GNG4: variants seen among roughly 807,000 people sequenced by gnomAD.
GNG4 encodes the protein guanine nucleotide-binding protein G(I)/G(S)/G(O) subunit gamma-4.
A neutral mutation model predicts 5.8 loss-of-function variants in GNG4; 4 were observed. That is an observed-to-expected ratio of 0.69 (90% CI 0.34 to 1.57). The LOEUF (loss-of-function observed/expected upper bound fraction) is 1.57. Among genes scored for constraint, GNG4 ranks in the 40% most tolerant of loss-of-function variants. The pLI is 0.06. For missense variants in GNG4, 96 were observed against 95.1 expected, an observed-to-expected ratio of 1.01 and a Z score of -0.04; for synonymous variants, 29 against 32.9, an observed-to-expected ratio of 0.88 and a Z score of 0.41.
chr1:235,617,909 G>GAAAGA (rs1553371104), intron 1 of GNG4, among the ~76,000 whole-genome samples: 11 of 137,362 alleles, frequency 8.0e-5, no homozygotes, highest in Non-Finnish European at 1.5e-4. Flanking sequence ...AAAAAAAAAA[G>GAAAGA]AAAGAAAAGA....
In GNG4 at chr1:235,642,744, C is replaced by T. The variant is rs1395755005; in HGVS notation, c.-123+6918G>A. Among the ~76,000 whole-genome samples the T allele has an allele frequency of 4.6e-5, 7 of 152,096 alleles. No homozygotes were observed. The highest frequency in any genetic ancestry group is 1.4e-4 in the African/African-American group (6 of 41,400). On this transcript the variant is annotated intron_variant, in intron 1 of 3. Coordinates refer to ENST00000391854, the MANE Select transcript of GNG4 (RefSeq NM_001098722.2). This position sits in a 1 kb window ranked among gnomAD's most constrained non-coding sequence, Gnocchi z 4.3. ...AACTTGCCGTGTGTTCTTGGAGGCG[C>T]GGGCCTCCCTGCTGTCATCACACCT...
intron 3 of GNG4, among the ~76,000 whole-genome samples, chr1:235,553,062 A>C (rs562099628): frequency 1.4e-4 from 12 of 82,834 alleles, no homozygotes; most frequent in African/African-American, 7.3e-4. Context: ...CCCAGCCAGC[A>C]CACATGTTTT....
intron 1 of GNG4, among the ~76,000 whole-genome samples, chr1:235,629,855 G>A (rs1192651244): frequency 6.6e-6 from 1 of 152,056 alleles, no homozygotes; most frequent in African/African-American, 2.4e-5. Context: ...GCCTCCCAAA[G>A]TGCTGGGATT....
At chr1:235,582,275 T>G (rs1460651357) in intron 3 of GNG4, among the ~76,000 whole-genome samples, 1 of 152,246 alleles carries the variant, frequency 6.6e-6, no homozygotes, top group Non-Finnish European at 1.5e-5. Flanking sequence ...TGGCTGTGGC[T>G]TCCGCACCTG....
At chr1:235,637,110 G>A (rs1657123268) in intron 1 of GNG4, among the ~76,000 whole-genome samples, 2 of 151,670 alleles carry the variant, frequency 1.3e-5, no homozygotes, top group African/African-American at 4.8e-5. Flanking sequence ...AGATCAAGTG[G>A]ACAGGGTACA....
intron 1 of GNG4, among the ~76,000 whole-genome samples, chr1:235,641,567 T>C (rs1024746722): frequency 8.5e-5 from 13 of 152,116 alleles, no homozygotes; most frequent in Non-Finnish European, 1.9e-4. Context: ...GGCGGGCGCC[T>C]GTAATCCCAG....
At chr1:235,596,249 CACA>C (rs1688123910) in intron 1 of GNG4, among the ~76,000 whole-genome samples, 1 of 146,458 alleles carries the variant, frequency 6.8e-6, no homozygotes, top group African/African-American at 2.5e-5. Context: ...CACACACACA[CACA>C]CCTGGCCGGG....
Position 235,552,223 on chromosome 1 carries a change from A to T in GNG4, c.114T>A (p.Ala38=). The change falls in exon 4 of 4, where the codon GCT becomes GCA. Residue 38 remains alanine, a synonymous_variant. Coordinates refer to ENST00000391854, the MANE Select transcript of GNG4 (RefSeq NM_001098722.2). ...CMDRVKVSQA[A]ADLLAYCEAH... ...CTTCACAGTAGGCCAGGAGGTCCGC[A>T]GCTGCCTGGGAGACCTGTGAGGGCA... 2 of 1,613,670 alleles carry T rather than the reference A, an allele frequency of 1.2e-6. No individual in the cohort carries two copies. The highest frequency in any genetic ancestry group is 1.7e-6 in the Non-Finnish European group (2 of 1,179,770).
At chr1:235,576,148 C>T (rs572685716) in intron 3 of GNG4, among the ~76,000 whole-genome samples, 2 of 150,904 alleles carry the variant, frequency 1.3e-5, no homozygotes, top group South Asian at 2.1e-4. Context: ...GAAACCTCCG[C>T]GTCCCGGATT....
At chr1:235,614,242 G>A (rs1023752532) in intron 1 of GNG4, among the ~76,000 whole-genome samples, 1 of 152,008 alleles carries the variant, frequency 6.6e-6, no homozygotes, top group Non-Finnish European at 1.5e-5. Context: ...ATGTAGGTCT[G>A]TAGTGATGTT....
chr1:235,599,474 G>T (rs1054688786), intron 1 of GNG4, among the ~76,000 whole-genome samples: 3 of 151,912 alleles, frequency 2.0e-5, no homozygotes, highest in Admixed American at 2.0e-4. Context: ...GAGCCAACAC[G>T]CCTGGCTAAT....
At chr1:235,598,316 G>A (rs1267685527) in intron 1 of GNG4, among the ~76,000 whole-genome samples, 1 of 152,136 alleles carries the variant, frequency 6.6e-6, no homozygotes, top group African/African-American at 2.4e-5. Flanking sequence ...GACTTTTAAG[G>A]ATCCCGATTC....
In GNG4 at chr1:235,552,033, T is replaced by C; in HGVS notation, c.*76A>G. On this transcript the variant is annotated 3_prime_UTR_variant, in exon 4 of 4. Transcript: ENST00000391854. ...AGGGATGGGTGTTGGTCTCACTCCC[T>C]AAGGCTTAGAGCATGCATGGTCTCT... 7.2e-7 allele frequency: 1 copy of C among 1,394,022 alleles called. No homozygotes were observed. The highest frequency in any genetic ancestry group is 1.0e-6 in the Non-Finnish European group (1 of 986,430). 86.4% of individuals were successfully genotyped at this position (1,394,022 alleles called of 1,614,324 possible).
At chr1:235,627,999 G>A (rs1303922959) in intron 1 of GNG4, among the ~76,000 whole-genome samples, 1 of 152,096 alleles carries the variant, frequency 6.6e-6, no homozygotes, top group Non-Finnish European at 1.5e-5. Flanking sequence ...CGACGAACAT[G>A]AAGAAACCCC....
intron 3 of GNG4, among the ~76,000 whole-genome samples, chr1:235,553,096 C>T (rs936150550): frequency 4.6e-5 from 7 of 152,118 alleles, no homozygotes; most frequent in African/African-American, 1.4e-4. Context: ...CACTTCCCTG[C>T]GGAGAGAGGT....
chr1:235,624,473 T>C (rs1688771597), intron 1 of GNG4, among the ~76,000 whole-genome samples: 1 of 152,062 alleles, frequency 6.6e-6, no homozygotes, highest in African/African-American at 2.4e-5. Flanking sequence ...AAGTAGAAAG[T>C]GACAGTTAGA....
intron 3 of GNG4, among the ~76,000 whole-genome samples, chr1:235,576,260 C>T (rs981519969): frequency 6.6e-6 from 1 of 151,278 alleles, no homozygotes; most frequent in African/African-American, 2.4e-5. Flanking sequence ...GGAGGGGTTT[C>T]ACCATGTTGG....
At chr1:235,568,444 C>A (rs1687254765) in intron 3 of GNG4, among the ~76,000 whole-genome samples, 1 of 152,204 alleles carries the variant, frequency 6.6e-6, no homozygotes, top group Admixed American at 6.5e-5. Flanking sequence ...TGTAAATTAA[C>A]ATAATTATGC....
chr1:235,634,587 G>T (rs959020388), intron 1 of GNG4, among the ~76,000 whole-genome samples: 6 of 152,202 alleles, frequency 3.9e-5, no homozygotes, highest in African/African-American at 1.4e-4. Context: ...TTTTCTTTCT[G>T]CTTTCCCTTG....
Sources: allele counts gnomAD v4.1 joint callset (sites outside exome capture counted in the v4.1 genomes callset), GRCh38; gene constraint gnomAD v4.1.1; non-coding constraint Gnocchi (gnomAD v3.1); transcripts MANE v1.5; gene names NCBI Gene and HGNC (gene_info 2026-07-23, HGNC 2026-07-21).